The following SLCO2B1 variants were observed in gnomAD, a reference collection of about 807,000 sequenced individuals.
SLCO2B1 encodes OATP-RP2.
In SLCO2B1, 41 loss-of-function variants were observed where a neutral mutation model predicts 67.3. That is an observed-to-expected ratio of 0.61 (90% CI 0.47 to 0.79). The LOEUF (loss-of-function observed/expected upper bound fraction) is 0.79. Among genes scored for constraint, SLCO2B1 ranks in the 30% least tolerant of loss-of-function variants. SLCO2B1 has a pLI of 0.00. For missense variants in SLCO2B1, 837 were observed against 920.1 expected, an observed-to-expected ratio of 0.91 and a Z score of 1.17; for synonymous variants, 379 against 381.4, an observed-to-expected ratio of 0.99 and a Z score of 0.07.
At chr11:75,192,822 G>C (rs939653129) in intron 8 of SLCO2B1, among the ~76,000 whole-genome samples, 2 of 152,132 alleles carry the variant, frequency 1.3e-5, no homozygotes. Context: ...AAGGAGGGTG[G>C]ATTACTTGGG....
intron 11 of SLCO2B1, 59 bp from the exon 12 acceptor site, chr11:75,202,842 A>G: frequency 6.9e-7 from 1 of 1,449,906 alleles, no homozygotes; most frequent in Non-Finnish European, 9.7e-7. Context: ...ACGTTGATGC[A>G]TGGCCCTTGG....
intron 9 of SLCO2B1, among the ~76,000 whole-genome samples, chr11:75,195,072 T>C (rs1945080794): frequency 6.6e-6 from 1 of 152,210 alleles, no homozygotes. Flanking sequence ...ATCTCTGTAA[T>C]GGGTCCTGTT....
At chr11:75,155,362 C>T (rs1949735025) in intron 1 of SLCO2B1, among the ~76,000 whole-genome samples, 1 of 152,122 alleles carries the variant, frequency 6.6e-6, no homozygotes, top group South Asian at 2.1e-4. Flanking sequence ...CCTTATGCTG[C>T]CCCCATCCCA....
At chr11:75,204,378 A>G (rs1945237861) in intron 13 of SLCO2B1, 22 bp from the exon 14 acceptor site, 6 of 1,580,040 alleles carry the variant, frequency 3.8e-6, no homozygotes, top group Middle Eastern at 1.7e-4. Flanking sequence ...CTTGAGTTCA[A>G]GGGTCCCCAT....
In SLCO2B1 at chr11:75,169,294, G is replaced by A; in HGVS notation, c.570G>A (p.Gly190=). The A allele has an allele frequency of 6.2e-7, 1 of 1,614,152 alleles. No homozygotes were observed. The highest frequency in any genetic ancestry group is 8.5e-7 in the Non-Finnish European group (1 of 1,180,026). Residue 190 remains glycine, a synonymous_variant, in exon 5 of 14, where the codon GGG becomes GGA. Coordinates refer to ENST00000289575, the MANE Select transcript of SLCO2B1 (RefSeq NM_007256.5). The part of the protein sequence containing the change: ...YTETQHLSVV[G]IMFVAQTLLG... ...AAACCCAGCATCTGAGTGTGGTGGGGATCATGTTCGTGGCACAGACCCTGC... is the reference window on the plus strand; with the variant it reads ...AAACCCAGCATCTGAGTGTGGTGGGAATCATGTTCGTGGCACAGACCCTGC...
chr11:75,181,573 G>T (rs1950092369), intron 7 of SLCO2B1, among the ~76,000 whole-genome samples: 1 of 152,010 alleles, frequency 6.6e-6, no homozygotes, highest in Non-Finnish European at 1.5e-5. Context: ...AGTCCACATT[G>T]GCTCTGTGGG....
At chr11:75,175,082 G>A (rs1182573685) in intron 7 of SLCO2B1, among the ~76,000 whole-genome samples, 1 of 152,216 alleles carries the variant, frequency 6.6e-6, no homozygotes, top group Non-Finnish European at 1.5e-5. Context: ...CCCCAGCTGT[G>A]AACCTGTCTG....
At position 75,160,646 on chromosome 11, in the gene SLCO2B1, C is replaced by T. The variant is rs568041920; in HGVS notation, c.17-2009C>T. Among the ~76,000 whole-genome samples the T allele has an allele frequency of 3.0e-4, 45 of 152,320 alleles. No homozygotes were observed. In the South Asian group the frequency reaches 5.0e-3, roughly 17 times the overall value. On this transcript the variant is annotated intron_variant, in intron 1 of 13. Coordinates refer to ENST00000289575, the MANE Select transcript of SLCO2B1 (RefSeq NM_007256.5). ...ACTCCTCTTCCCTAGGCCAATTTCC[C>T]GTCTCCTCGTCAGGTGTCAGTTTTG...
chr11:75,177,504 C>T (rs1197032802), intron 7 of SLCO2B1, among the ~76,000 whole-genome samples: 1 of 152,140 alleles, frequency 6.6e-6, no homozygotes, highest in Non-Finnish European at 1.5e-5. Context: ...AGGGATGGCA[C>T]CATGCTCGAG....
chr11:75,188,551 C>G (rs1442944997), intron 8 of SLCO2B1, among the ~76,000 whole-genome samples: 2 of 152,108 alleles, frequency 1.3e-5, no homozygotes, highest in African/African-American at 4.8e-5. Flanking sequence ...CATGGTTAAA[C>G]CCTGTCTCTA....
At chr11:75,165,700 C>A (rs78503750) in intron 3 of SLCO2B1, 87 bp from the exon 4 acceptor site, 20 of 1,372,846 alleles carry the variant, frequency 1.5e-5, no homozygotes, top group Non-Finnish European at 1.9e-5. Context: ...GATGGGCATA[C>A]GGAAGTTAGA....
At chr11:75,194,808 C>CA (rs537569600) in intron 9 of SLCO2B1, among the ~76,000 whole-genome samples, 11 of 152,162 alleles carry the variant, frequency 7.2e-5, no homozygotes, top group Admixed American at 2.6e-4. Context: ...TCACACACCC[C>CA]ATCTCTCTTT....
intron 1 of SLCO2B1, among the ~76,000 whole-genome samples, chr11:75,153,028 C>T (rs61259856): frequency 0.017 from 2,599 of 152,340 alleles, 72 homozygotes; most frequent in African/African-American, 0.057. Flanking sequence ...ACCCCTTAGG[C>T]AGCAGTTTCC....
At position 75,204,782 on chromosome 11, in the gene SLCO2B1, G is replaced by T. The variant is rs1005321599; in HGVS notation, c.*202G>T. 4 of 423,346 alleles carry T rather than the reference G, an allele frequency of 9.4e-6. No individual in the cohort carries two copies. The highest frequency in any genetic ancestry group is 1.6e-5 in the Non-Finnish European group (4 of 244,472). The allele number at this position is 423,346 out of a possible 1,614,324, so 26.2% of individuals were successfully genotyped here. On this transcript the variant is annotated 3_prime_UTR_variant, in exon 14 of 14. Transcript: ENST00000289575. ...CCAAAGAGTTGTTTGGGCATTTGCT[G>T]TGTTGGCCATTTCTGGAGCAAGAGG...
rs1003270936 is a variant in SLCO2B1, at chr11:75,169,480, T to G, written c.682+74T>G. 1.2e-5 allele frequency: 17 copies of G among 1,406,504 alleles called. No homozygotes were observed. In the African/African-American group the frequency reaches 2.4e-4, roughly 20 times the overall value. 87.1% of individuals were successfully genotyped at this position (1,406,504 alleles called of 1,614,324 possible). A position where few individuals can be genotyped will look rare whatever the true frequency, so the allele number is the denominator to read the frequency against. Reference sequence around the variant, plus strand: ...ACTAGGAGGAAGAGAGACCCAGGGTTGGGGCTGGAGATGGAATCCCTGCCC... The same window carrying G: ...ACTAGGAGGAAGAGAGACCCAGGGTGGGGGCTGGAGATGGAATCCCTGCCC... On this transcript the variant is annotated intron_variant, in intron 5 of 13. Coordinates refer to ENST00000289575, the MANE Select transcript of SLCO2B1 (RefSeq NM_007256.5).
At position 75,172,583 on chromosome 11, in the gene SLCO2B1, A is replaced by G. The variant is rs746948207; in HGVS notation, c.972+14A>G. On this transcript the variant is annotated intron_variant, in intron 7 of 13. Transcript: ENST00000289575. ...CCTGCCAGGAAGGTAAGCTCCCTCC[A>G]TGTCACCTGACTGGGTCCAGGCTCC... The G allele has an allele frequency of 1.2e-6, 2 of 1,608,884 alleles. No homozygotes were observed. The highest frequency in any genetic ancestry group is 1.7e-5 in the Admixed American group (1 of 59,890).
In SLCO2B1 at chr11:75,165,886, G is replaced by T. The variant is rs1418283706; in HGVS notation, c.385G>T (p.Gly129Cys). ...GYGAILVALA[G>C]LLMTLPHFIS... ...TGGGGCTATCCTTGTGGCCCTGGCG[G>T]GCCTGCTCATGACTCTCCCGCACTT... The change falls in exon 4 of 14, where the codon GGC (glycine) becomes TGC (cysteine). Residue 129 changes from glycine (G) to cysteine (C), a missense_variant. By Grantham distance (159) the Gly-to-Cys change is radical. Transcript: ENST00000289575. 1 of 1,614,190 alleles carries T rather than the reference G, an allele frequency of 6.2e-7. No homozygotes were observed. The highest frequency in any genetic ancestry group is 8.5e-7 in the Non-Finnish European group (1 of 1,180,020).
At chr11:75,171,237 G>A (rs1949956551) in intron 6 of SLCO2B1, among the ~76,000 whole-genome samples, 1 of 152,172 alleles carries the variant, frequency 6.6e-6, no homozygotes, top group African/African-American at 2.4e-5. Context: ...CTCTGTGTGT[G>A]GGGTTGGTAC....
At chr11:75,174,028 CT>C (rs1949996312) in intron 7 of SLCO2B1, among the ~76,000 whole-genome samples, 1 of 152,132 alleles carries the variant, frequency 6.6e-6, no homozygotes, top group Non-Finnish European at 1.5e-5. Flanking sequence ...TCTCGAACCC[CT>C]AACCTCAGGT....
Sources: allele counts gnomAD v4.1 joint callset (sites outside exome capture counted in the v4.1 genomes callset), GRCh38; gene constraint gnomAD v4.1.1; transcripts MANE v1.5; gene names NCBI Gene and HGNC (gene_info 2026-07-23, HGNC 2026-07-21).